The following DLGAP2 variants were observed in gnomAD, a reference collection of about 807,000 sequenced individuals.
DLGAP2 encodes DLG associated protein 2, also known as disks large-associated protein 2.
A neutral mutation model predicts 100.3 loss-of-function variants in DLGAP2; 26 were observed. That is an observed-to-expected ratio of 0.26 (90% confidence interval 0.19 to 0.36). The LOEUF is 0.36. Ranked by LOEUF, DLGAP2 falls within the 10% of genes least tolerant of loss-of-function variation. DLGAP2 has a pLI of 1.00. For synonymous variants in DLGAP2, 886 were observed against 630.1 expected (o/e 1.41, Z -6.08); for missense variants, 1,858 against 1,453.2 (o/e 1.28, Z -4.53).
chr8:1,233,510 C>T (rs979646338), intron 2 of DLGAP2, among the ~76,000 whole-genome samples: 3 of 152,192 alleles, frequency 2.0e-5, no homozygotes, highest in South Asian at 2.1e-4. Flanking sequence ...GGGATGCAGA[C>T]CGCAGCTGGA....
chr8:863,021 G>A (rs1020977214), intron 1 of DLGAP2, among the ~76,000 whole-genome samples: 10 of 152,270 alleles, frequency 6.6e-5, no homozygotes, highest in African/African-American at 2.4e-4. Flanking sequence ...GCAGTGAAAT[G>A]GATTTCAGGG....
At chr8:1,463,652 A>G (rs1318195886) in intron 3 of DLGAP2, among the ~76,000 whole-genome samples, 2 of 152,228 alleles carry the variant, frequency 1.3e-5, no homozygotes, top group African/African-American at 4.8e-5. Flanking sequence ...CGGTCGGGAT[A>G]CCCAAATCTC....
intron 3 of DLGAP2, among the ~76,000 whole-genome samples, chr8:1,321,803 A>C (rs1800907793): frequency 6.6e-6 from 1 of 152,234 alleles, no homozygotes; most frequent in African/African-American, 2.4e-5. Flanking sequence ...TTCTAAGGCA[A>C]AGAATGTGCT....
At chr8:1,056,356 C>T (rs1019927905) in intron 2 of DLGAP2, among the ~76,000 whole-genome samples, 1 of 152,132 alleles carries the variant, frequency 6.6e-6, no homozygotes, top group Non-Finnish European at 1.5e-5. Context: ...TCCTCCAGCT[C>T]TGTGTGTCCT....
intron 2 of DLGAP2, among the ~76,000 whole-genome samples, chr8:1,152,519 T>C (rs1210798783): frequency 3.3e-5 from 5 of 152,186 alleles, no homozygotes. Flanking sequence ...TTCATTCCTC[T>C]CCCAAAGGCC....
At chr8:786,303 A>C (rs1348462585) in intron 1 of DLGAP2, among the ~76,000 whole-genome samples, 3 of 151,974 alleles carry the variant, frequency 2.0e-5, no homozygotes, top group Non-Finnish European at 4.4e-5. Flanking sequence ...TGGGTCCCGG[A>C]GGTCACCAGG....
intron 5 of DLGAP2, among the ~76,000 whole-genome samples, chr8:1,556,864 G>T (rs1801981635): frequency 6.6e-6 from 1 of 152,312 alleles, no homozygotes; most frequent in Admixed American, 6.5e-5. Context: ...GAGCAGCATC[G>T]CGAAGATCTC....
intron 2 of DLGAP2, among the ~76,000 whole-genome samples, chr8:1,096,380 G>A (rs1804366991): frequency 6.6e-6 from 1 of 152,252 alleles, no homozygotes; most frequent in Non-Finnish European, 1.5e-5. Context: ...ATCATCAAGA[G>A]CTTTAGGGAC....
At chr8:880,879 C>T (rs914681635) in intron 1 of DLGAP2, among the ~76,000 whole-genome samples, 2 of 152,192 alleles carry the variant, frequency 1.3e-5, no homozygotes, top group African/African-American at 4.8e-5. Flanking sequence ...TGGGTGCCTC[C>T]TCCATGCATA....
intron 2 of DLGAP2, chr8:1,018,644 C>T (rs144466075): frequency 1.3e-5 from 2 of 152,338 alleles, no homozygotes; most frequent in East Asian, 1.9e-4. Context: ...AGGTCTCCTA[C>T]ATTAAGTAAT....
intron 3 of DLGAP2, among the ~76,000 whole-genome samples, chr8:1,317,098 A>C (rs187788440): frequency 0.026 from 3,523 of 137,626 alleles, 110 homozygotes; most frequent in Non-Finnish European, 0.035. Flanking sequence ...GCAGCGTTTA[A>C]AAATAGAGCC....
chr8:1,273,983 G>C (rs1364437728), intron 3 of DLGAP2, among the ~76,000 whole-genome samples: 1 of 152,112 alleles, frequency 6.6e-6, no homozygotes, highest in East Asian at 1.9e-4. Context: ...CCAAACCTGA[G>C]TCATTCAGTA....
intron 2 of DLGAP2, among the ~76,000 whole-genome samples, chr8:1,076,553 G>C (rs1183201397): frequency 2.0e-5 from 3 of 152,244 alleles, no homozygotes; most frequent in African/African-American, 7.2e-5. Flanking sequence ...TCCGGCCAGG[G>C]CCACGGCTCA....
At chr8:1,195,463 G>C (rs745507954) in intron 2 of DLGAP2, among the ~76,000 whole-genome samples, 1 of 152,230 alleles carries the variant, frequency 6.6e-6, no homozygotes, top group Non-Finnish European at 1.5e-5. Flanking sequence ...AACCAGGACA[G>C]AAAACTGTTT....
rs1798544857 is a variant in DLGAP2, at chr8:1,231,950, A to G, written c.74-26901A>G. Among the ~76,000 whole-genome samples, 3 of 152,238 alleles carry G rather than the reference A, an allele frequency of 2.0e-5. No homozygotes were observed. In the South Asian group the frequency reaches 6.2e-4, roughly 32 times the overall value. On this transcript the variant is annotated intron_variant, in intron 2 of 14. Transcript: ENST00000637795. ...ACCTGCACATGTACCCCTGAATGTA[A>G]AATCAAAGTTGAAAAAATTAAAAAA...
chr8:1,516,785 C>CAGTG (rs935067200), intron 4 of DLGAP2, among the ~76,000 whole-genome samples: 1 of 151,742 alleles, frequency 6.6e-6, no homozygotes. Context: ...GTGAGTGAAT[C>CAGTG]AGTGAGTGAG....
intron 12 of DLGAP2, among the ~76,000 whole-genome samples, chr8:1,683,856 A>ATATATGTG (rs1467438870): frequency 3.7e-4 from 23 of 62,222 alleles, no homozygotes; most frequent in East Asian, 1.2e-3. Flanking sequence ...ATATATATAT[A>ATATATGTG]TGTGTGTGTG....
intron 3 of DLGAP2, among the ~76,000 whole-genome samples, chr8:1,462,423 A>T (rs1173344102): frequency 3.3e-5 from 3 of 90,466 alleles, no homozygotes; most frequent in African/African-American, 1.2e-4. Context: ...CTGCTGTCAC[A>T]GGACTGGGTG....
chr8:1,407,045 C>T (rs78586045), intron 3 of DLGAP2, among the ~76,000 whole-genome samples: 7 of 20,848 alleles, frequency 3.4e-4, no homozygotes, highest in African/African-American at 4.8e-4. Flanking sequence ...TACTGAGCGC[C>T]ACCTCCTTGT....
Sources: gnomAD v4.1 joint callset for allele counts (sites outside exome capture counted in the v4.1 genomes callset) on GRCh38, gnomAD v4.1.1 for gene constraint, MANE v1.5 for transcripts, NCBI Gene and HGNC (gene_info 2026-07-23, HGNC 2026-07-21) for gene names.